Variants in LAMA3 observed in about 807,000 individuals in gnomAD.
The protein encoded by LAMA3 is laminin subunit alpha 3.
Under a neutral mutation model 402.0 loss-of-function variants are expected in LAMA3, and 281 were observed. The observed-to-expected ratio is 0.70, with a 90% CI of 0.63 to 0.77. The LOEUF (loss-of-function observed/expected upper bound fraction) is 0.77, where lower values mean the gene tolerates loss of function less well. Ranked by LOEUF, LAMA3 falls within the 30% of genes least tolerant of loss-of-function variation. The pLI, the probability that LAMA3 is intolerant of heterozygous loss-of-function variation, is 0.00. For synonymous variants in LAMA3, 1,431 were observed against 1,558.4 expected (o/e 0.92, Z 1.93); for missense variants, 3,840 against 4,215.5 (o/e 0.91, Z 2.47).
intron 2 of LAMA3, among the ~76,000 whole-genome samples, chr18:23,740,592 C>T (rs2061545715): frequency 6.6e-6 from 1 of 152,128 alleles, no homozygotes; most frequent in Non-Finnish European, 1.5e-5. Flanking sequence ...TTGCCTCCTG[C>T]TGACTTGAAT....
rs1018161049 is a variant in LAMA3, at chr18:23,847,406, C to T, written c.3932-58C>T. 20 of 1,561,826 alleles carry T rather than the reference C, an allele frequency of 1.3e-5. No homozygotes were observed. In the Admixed American group the frequency reaches 3.3e-4, roughly 26 times the overall value. On this transcript the variant is annotated intron_variant, in intron 31 of 74. Coordinates refer to ENST00000313654, the MANE Select transcript of LAMA3 (RefSeq NM_198129.4). ...GGAAAGCCTGGCAGTTGGTGGAGTGCTGCTGGAGCCCAGGCGGCCTTTGAC... is the reference window on the plus strand; with the variant it reads ...GGAAAGCCTGGCAGTTGGTGGAGTGTTGCTGGAGCCCAGGCGGCCTTTGAC...
intron 73 of LAMA3, among the ~76,000 whole-genome samples, chr18:23,952,230 A>C (rs1249876173): frequency 1.3e-5 from 2 of 152,214 alleles, no homozygotes; most frequent in Non-Finnish European, 2.9e-5. Context: ...AGGTTGTGGA[A>C]ATTAAATGGG....
intron 8 of LAMA3, among the ~76,000 whole-genome samples, chr18:23,766,010 C>A (rs916140807): frequency 6.6e-6 from 1 of 151,584 alleles, no homozygotes; most frequent in Non-Finnish European, 1.5e-5. Context: ...ATTGGACTCC[C>A]AGAAGCAGAG....
At position 23,894,297 on chromosome 18, in the gene LAMA3, G is replaced by A. The variant is rs931385512; in HGVS notation, c.5411-1G>A. The A allele has an allele frequency of 1.9e-6, 3 of 1,610,304 alleles. No homozygotes were observed. Among genetic ancestry groups the A allele is most frequent in the African/African-American group, 2.7e-5 (2 of 74,834 alleles). ...CTTCTTTGGTTATTTTCTGATTTTA[G>A]ACTGCATAAACCAAGAACCCAAAGA... On this transcript the variant is annotated splice_acceptor_variant, in intron 42 of 74. Transcript: ENST00000313654. LOFTEE classifies it high-confidence loss of function.
At chr18:23,917,656 A>G (rs922475823) in intron 60 of LAMA3, among the ~76,000 whole-genome samples, 2 of 152,100 alleles carry the variant, frequency 1.3e-5, no homozygotes, top group African/African-American at 4.8e-5. Flanking sequence ...CTGGCAGCAT[A>G]TATGTCTTCT....
intron 1 of LAMA3, among the ~76,000 whole-genome samples, chr18:23,698,457 G>C (rs1167320376): frequency 1.3e-5 from 2 of 152,072 alleles, no homozygotes; most frequent in African/African-American, 4.8e-5. Context: ...CGCCTGCCTT[G>C]GCCTCCCAAA....
chr18:23,876,055 G>A (rs1428356536), intron 38 of LAMA3, among the ~76,000 whole-genome samples: 1 of 152,244 alleles, frequency 6.6e-6, no homozygotes, highest in African/African-American at 2.4e-5. Flanking sequence ...GCACATGCCT[G>A]TGGTTCCAGC....
At chr18:23,951,834 G>T in intron 73 of LAMA3, 57 bp downstream of exon 73, 1 of 1,362,610 alleles carries the variant, frequency 7.3e-7, no homozygotes, top group South Asian at 1.2e-5. Context: ...TTTCCATTTT[G>T]ACTTGAACAT....
chr18:23,870,310 A>T (rs1314063754), intron 37 of LAMA3, among the ~76,000 whole-genome samples: 1 of 152,102 alleles, frequency 6.6e-6, no homozygotes, highest in Non-Finnish European at 1.5e-5. Context: ...CTCAAAAAAA[A>T]AACAAAAATT....
At position 23,933,769 on chromosome 18, in the gene LAMA3, GCT is replaced by G; in HGVS notation, c.8709-10_8709-9del. The G allele has an allele frequency of 6.2e-7, 1 of 1,613,912 alleles. No individual in the cohort carries two copies. Among genetic ancestry groups the G allele is most frequent in the African/African-American group, 1.3e-5 (1 of 75,048 alleles). The stretch of plus-strand genomic sequence containing the variant: ...AAGTTTGGCAGCATCTTTCATTTCT[GCT>G]CTTTTTCCAGGTTATCACTGAGTCC... On this transcript the variant is annotated splice_polypyrimidine_tract_variant and intron_variant, in intron 66 of 74. Coordinates refer to ENST00000313654, the MANE Select transcript of LAMA3 (RefSeq NM_198129.4).
intron 12 of LAMA3, chr18:23,796,070 G>T (rs1242829749): frequency 2.2e-6 from 1 of 447,828 alleles, no homozygotes; most frequent in African/African-American, 2.0e-5. Context: ...CAGGCCCTCA[G>T]CAGAAACTGA....
At position 23,901,077 on chromosome 18, in the gene LAMA3, C is replaced by T. The variant is rs753914811; in HGVS notation, c.6005-50C>T. ...TCCCTTTGTAGTTTTTATAACCCAG[C>T]TTCAGTATGCTCATCTGTCAAATAG... On this transcript the variant is annotated intron_variant, in intron 47 of 74. Coordinates refer to ENST00000313654, the MANE Select transcript of LAMA3 (RefSeq NM_198129.4). 9 of 1,493,504 alleles carry T rather than the reference C, an allele frequency of 6.0e-6. No homozygotes were observed. In the South Asian group the frequency reaches 1.0e-4, roughly 17 times the overall value. 92.5% of individuals were successfully genotyped at this position (1,493,504 alleles called of 1,614,324 possible).
At chr18:23,877,947 TA>T (rs1227109964) in intron 39 of LAMA3, among the ~76,000 whole-genome samples, 3 of 151,744 alleles carry the variant, frequency 2.0e-5, no homozygotes, top group Admixed American at 1.3e-4. Context: ...CTGTCTCTAC[TA>T]AAAAAATACA....
rs367909735 is a variant in LAMA3 at position 23,873,228 on chromosome 18, T to C, written c.4998+1567T>C. 1.6e-5 allele frequency: 25 copies of C among 1,612,334 alleles called. No homozygotes were observed. Among genetic ancestry groups the C allele is most frequent in the Non-Finnish European group, 2.1e-5 (25 of 1,178,428 alleles). On this transcript the variant is annotated intron_variant, in intron 38 of 74. Transcript: ENST00000313654. Reference sequence around the variant, plus strand: ...TAGACCCAGCCAGGTAACGTCCTTTTAAGTTTTGGTTTGTGATAGGGAAGA... The same window carrying C: ...TAGACCCAGCCAGGTAACGTCCTTTCAAGTTTTGGTTTGTGATAGGGAAGA...
At chr18:23,884,399 A>C (rs1181427355) in intron 40 of LAMA3, among the ~76,000 whole-genome samples, 2 of 152,094 alleles carry the variant, frequency 1.3e-5, no homozygotes. Flanking sequence ...TTTTTTAAAG[A>C]ATCAGAACTC....
intron 62 of LAMA3, among the ~76,000 whole-genome samples, chr18:23,922,462 C>T (rs1173437309): frequency 2.0e-5 from 3 of 152,188 alleles, no homozygotes; most frequent in African/African-American, 4.8e-5. Context: ...GTCCATTCTA[C>T]GTAGTCAGGT....
At chr18:23,793,698 A>G (rs939484803) in intron 12 of LAMA3, among the ~76,000 whole-genome samples, 1 of 152,138 alleles carries the variant, frequency 6.6e-6, no homozygotes, top group Non-Finnish European at 1.5e-5. Context: ...TCTGTGACCA[A>G]ATGTGTGGGG....
At chr18:23,783,482 A>C (rs1345525807) in intron 11 of LAMA3, among the ~76,000 whole-genome samples, 1 of 152,184 alleles carries the variant, frequency 6.6e-6, no homozygotes, top group East Asian at 1.9e-4. Context: ...TATACCAGGC[A>C]GAGGGATTGG....
intron 48 of LAMA3, among the ~76,000 whole-genome samples, chr18:23,902,241 G>A (rs558845167): frequency 1.3e-5 from 2 of 151,968 alleles, no homozygotes; most frequent in African/African-American, 2.4e-5. Context: ...TGGAAGGATC[G>A]CTTGAACACA....
Sources: gnomAD v4.1 joint callset for allele counts (sites outside exome capture counted in the v4.1 genomes callset) on GRCh38, gnomAD v4.1.1 for gene constraint, MANE v1.5 for transcripts, NCBI Gene and HGNC (gene_info 2026-07-23, HGNC 2026-07-21) for gene names.